Variants in LCLAT1 observed in about 807,000 individuals in gnomAD.
LCLAT1 encodes 1-AGP acyltransferase 8.
A neutral mutation model predicts 30.7 loss-of-function variants in LCLAT1; 11 were observed. The observed-to-expected ratio is 0.36, with a 90% confidence interval of 0.23 to 0.59. LCLAT1 has a LOEUF of 0.59. LCLAT1 is among the 20% of genes least tolerant of loss of function. LCLAT1 has a pLI of 0.77. For synonymous variants in LCLAT1, 155 were observed against 151.3 expected (o/e 1.02, Z -0.18); for missense variants, 402 against 458.6 (o/e 0.88, Z 1.13).
intron 2 of LCLAT1, among the ~76,000 whole-genome samples, chr2:30,527,321 G>A (rs988555872): frequency 6.6e-6 from 1 of 152,176 alleles, no homozygotes; most frequent in Non-Finnish European, 1.5e-5. Flanking sequence ...ATATCTGATT[G>A]TAAAGCAAAC....
intron 5 of LCLAT1, among the ~76,000 whole-genome samples, chr2:30,629,536 G>C (rs1283466666): frequency 6.6e-6 from 1 of 151,928 alleles, no homozygotes; most frequent in African/African-American, 2.4e-5. Context: ...CTCCAGCCTG[G>C]GCAACAAGAG....
chr2:30,603,631 A>T (rs1395379988), intron 5 of LCLAT1, among the ~76,000 whole-genome samples: 6 of 152,166 alleles, frequency 3.9e-5, no homozygotes, highest in Non-Finnish European at 8.8e-5. Context: ...CAAAAGAGTA[A>T]ACTAAAAAGG....
At chr2:30,625,960 G>GTT in intron 5 of LCLAT1, among the ~76,000 whole-genome samples, 1 of 152,182 alleles carries the variant, frequency 6.6e-6, no homozygotes, top group East Asian at 1.9e-4. Context: ...CTGATAAACT[G>GTT]TAAGGGCAAG....
intron 1 of LCLAT1, among the ~76,000 whole-genome samples, chr2:30,518,090 C>G (rs570287017): frequency 6.6e-6 from 1 of 152,268 alleles, no homozygotes; most frequent in East Asian, 1.9e-4. Flanking sequence ...ATGAGCATAC[C>G]TCACCAGTTC....
intron 3 of LCLAT1, among the ~76,000 whole-genome samples, chr2:30,539,949 CTG>C (rs1664050683): frequency 6.6e-6 from 1 of 152,098 alleles, no homozygotes; most frequent in Non-Finnish European, 1.5e-5. Flanking sequence ...GAAACCTGGT[CTG>C]TTTAGTTCTA....
intron 3 of LCLAT1, among the ~76,000 whole-genome samples, chr2:30,542,617 G>A (rs892096948): frequency 2.6e-5 from 4 of 151,842 alleles, no homozygotes; most frequent in African/African-American, 7.3e-5. Context: ...AATAAGTTTG[G>A]TAATTTCTTC....
chr2:30,553,736 AC>A (rs1664786613), intron 3 of LCLAT1, among the ~76,000 whole-genome samples: 1 of 151,884 alleles, frequency 6.6e-6, no homozygotes, highest in African/African-American at 2.4e-5. Context: ...AATGGCGTGA[AC>A]CCGGGAAGCG....
intron 5 of LCLAT1, among the ~76,000 whole-genome samples, chr2:30,615,004 C>G (rs897762023): frequency 6.6e-6 from 1 of 152,016 alleles, no homozygotes; most frequent in Non-Finnish European, 1.5e-5. Context: ...AGGGCAGAAG[C>G]TTCATTGGCA....
intron 3 of LCLAT1, among the ~76,000 whole-genome samples, chr2:30,544,007 T>C (rs1351348157): frequency 6.6e-6 from 1 of 152,244 alleles, no homozygotes; most frequent in Non-Finnish European, 1.5e-5. Flanking sequence ...TCTAATACCA[T>C]GTTCCTTTTT....
rs1279793480 is a variant in LCLAT1, at chr2:30,459,465, G to A, written c.-5+12082G>A. On this transcript the variant is annotated intron_variant, in intron 1 of 5. Transcript: ENST00000379509. ...TTTCAGGTCCCTGGGCCCGTAATCT[G>A]TTTACTCCATGAACCATCTGATGAG... is the stretch of plus-strand genomic sequence containing the variant. The A allele has an allele frequency of 1.5e-5, 10 of 683,186 alleles. No homozygotes were observed. In the East Asian group the frequency reaches 1.5e-4, roughly 10 times the overall value. 42.3% of individuals were successfully genotyped at this position (683,186 alleles called of 1,614,324 possible).
chr2:30,568,956 T>C (rs923482722), intron 5 of LCLAT1, among the ~76,000 whole-genome samples: 15 of 151,960 alleles, frequency 9.9e-5, no homozygotes, highest in African/African-American at 3.6e-4. Context: ...ATCATTCTCT[T>C]ACTATTTTAA....
chr2:30,513,752 AG>A (rs931857297), intron 1 of LCLAT1, among the ~76,000 whole-genome samples: 27 of 152,118 alleles, frequency 1.8e-4, no homozygotes, highest in Non-Finnish European at 3.1e-4. Context: ...CCTTCTGTGG[AG>A]GGGCTAATCA....
chr2:30,588,830 C>T (rs565115318), intron 5 of LCLAT1, among the ~76,000 whole-genome samples: 3 of 152,230 alleles, frequency 2.0e-5, no homozygotes, highest in African/African-American at 7.2e-5. Context: ...GAACTCCCTA[C>T]CTCAGGTGAT....
intron 1 of LCLAT1, among the ~76,000 whole-genome samples, chr2:30,489,630 G>A (rs994370481): frequency 6.6e-6 from 1 of 152,208 alleles, no homozygotes; most frequent in Admixed American, 6.5e-5. Context: ...GGGATTACAG[G>A]CGTGAGCACC....
chr2:30,532,270 C>G (rs925834573), intron 2 of LCLAT1, among the ~76,000 whole-genome samples: 24 of 152,088 alleles, frequency 1.6e-4, no homozygotes, highest in African/African-American at 5.8e-4. Flanking sequence ...TTGGCTATAC[C>G]TTGTTCAAGA....
At chr2:30,450,770 G>A (rs982008601) in intron 1 of LCLAT1, among the ~76,000 whole-genome samples, 2 of 152,258 alleles carry the variant, frequency 1.3e-5, no homozygotes, top group South Asian at 2.1e-4. Context: ...AACCATAAGC[G>A]CAAATAAAGG....
At position 30,553,541 on chromosome 2, in the gene LCLAT1, C is replaced by T. The variant is rs184768809; in HGVS notation, c.365-8605C>T. ...AGTATGAAAAAGACAAATTGCCGGG[C>T]GCGGTGGCTCACGCCTGTAATCCCA... On this transcript the variant is annotated intron_variant, in intron 3 of 5. Coordinates refer to ENST00000379509, the MANE Select transcript of LCLAT1 (RefSeq NM_001002257.3). 2.0e-3 allele frequency among the ~76,000 whole-genome samples: 299 copies of T among 152,314 alleles called. 1 individual carries two copies. The highest frequency in any genetic ancestry group is 6.8e-3 in the African/African-American group (284 of 41,558).
chr2:30,491,782 T>C (rs1723167), intron 1 of LCLAT1, among the ~76,000 whole-genome samples: 33,692 of 152,094 alleles, frequency 0.22, 3,822 homozygotes, highest in East Asian at 0.35. Flanking sequence ...ACTCCACAAC[T>C]TTTGTAAGTT....
intron 4 of LCLAT1, among the ~76,000 whole-genome samples, chr2:30,562,898 C>T (rs933298119): frequency 1.3e-5 from 2 of 152,038 alleles, no homozygotes; most frequent in Admixed American, 6.6e-5. Flanking sequence ...TGTTGATTTA[C>T]GTTAATAGGT....
Sources: allele counts gnomAD v4.1 joint callset (sites outside exome capture counted in the v4.1 genomes callset), GRCh38; gene constraint gnomAD v4.1.1; transcripts MANE v1.5; gene names NCBI Gene and HGNC (gene_info 2026-07-23, HGNC 2026-07-21).